RASSF5: variants seen among roughly 807,000 people sequenced by gnomAD.
The protein encoded by RASSF5 is Ras association domain family member 5.
In RASSF5, 25 loss-of-function variants were observed where a neutral mutation model predicts 40.5. The ratio of observed to expected loss-of-function variants is 0.62; its 90% CI spans 0.45 to 0.86. The LOEUF (loss-of-function observed/expected upper bound fraction) is 0.86. RASSF5 is among the 40% of genes least tolerant of loss of function. RASSF5 has a pLI of 0.00. For missense variants in RASSF5, 521 were observed against 572.8 expected (o/e 0.91, Z 0.92); for synonymous variants, 246 against 252.4 (o/e 0.97, Z 0.24).
At position 206,584,846 on chromosome 1, in the gene RASSF5, G is replaced by A. The variant is rs1240338916; in HGVS notation, c.988+162G>A. On this transcript the variant is annotated intron_variant, in intron 4 of 5. Coordinates refer to ENST00000579436, the MANE Select transcript of RASSF5 (RefSeq NM_182663.4). The surrounding 1 kb of genome is among the most constrained non-coding windows in gnomAD (Gnocchi z 4.9). ...TTCAGATCTGTGGAATCCGGGCAGG[G>A]AGGCAAGAGCAGAGTCCCTGACTCT... 1 of 742,394 alleles carries A rather than the reference G, an allele frequency of 1.3e-6. No homozygotes were observed. The allele number at this position is 742,394 out of a possible 1,614,324, so 46.0% of individuals were successfully genotyped here.
intron 1 of RASSF5, among the ~76,000 whole-genome samples, chr1:206,520,263 C>T (rs1553395900): frequency 6.6e-6 from 1 of 152,200 alleles, no homozygotes; most frequent in Non-Finnish European, 1.5e-5. Context: ...GGAATATCCT[C>T]ATCTCACTCA....
intron 2 of RASSF5, among the ~76,000 whole-genome samples, chr1:206,562,052 C>T (rs1477480836): frequency 3.3e-5 from 5 of 152,168 alleles, no homozygotes; most frequent in Non-Finnish European, 5.9e-5. Context: ...TACAGTGACA[C>T]CATTGAATTC....
At chr1:206,573,535 GTA>G (rs1445479177) in intron 2 of RASSF5, among the ~76,000 whole-genome samples, 2 of 152,220 alleles carry the variant, frequency 1.3e-5, no homozygotes, top group African/African-American at 4.8e-5. Flanking sequence ...CTACTGCACT[GTA>G]ATTCCTAGGA....
At chr1:206,568,611 G>C (rs549061432) in intron 2 of RASSF5, among the ~76,000 whole-genome samples, 2 of 152,290 alleles carry the variant, frequency 1.3e-5, no homozygotes, top group South Asian at 2.1e-4. Context: ...CTGTCCTCCA[G>C]GGAGCTCCAG....
intron 2 of RASSF5, 157 bp from the exon 3 acceptor site, chr1:206,583,112 C>T (rs1319718339): frequency 6.9e-6 from 4 of 576,368 alleles, no homozygotes; most frequent in Non-Finnish European, 6.3e-6. Context: ...TGCAATTTGA[C>T]CTCTCATTGT....
At chr1:206,574,069 A>G (rs1668548131) in intron 2 of RASSF5, among the ~76,000 whole-genome samples, 1 of 152,216 alleles carries the variant, frequency 6.6e-6, no homozygotes, top group African/African-American at 2.4e-5. Context: ...TTAATATTAT[A>G]ATGAGGCTCT....
rs138095666 is a variant in RASSF5, at chr1:206,538,278, C to T, written c.564C>T (p.Thr188=). ...RDRPSPESTL[T]VTFSQNVCKP... ...GACCCTCTCCAGAAAGCACCCTCAC[C>T]GTGACCTTCAGCCAGGTAGGTGCCA... is the stretch of plus-strand genomic sequence containing the variant. Residue 188 remains threonine, a synonymous_variant, in exon 2 of 6, where the codon ACC becomes ACT. Transcript: ENST00000579436. The T allele has an allele frequency of 2.0e-5, 32 of 1,613,768 alleles. No individual in the cohort carries two copies. Among genetic ancestry groups the T allele is most frequent in the African/African-American group, 6.7e-5 (5 of 74,924 alleles).
At chr1:206,553,410 A>G (rs1553401291) in intron 2 of RASSF5, among the ~76,000 whole-genome samples, 1 of 152,180 alleles carries the variant, frequency 6.6e-6, no homozygotes, top group Non-Finnish European at 1.5e-5. Flanking sequence ...AGAGATAGAA[A>G]CATGGGGAAC....
intron 1 of RASSF5, among the ~76,000 whole-genome samples, chr1:206,514,558 A>G (rs1186344203): frequency 6.6e-6 from 1 of 152,216 alleles, no homozygotes; most frequent in Non-Finnish European, 1.5e-5. Context: ...TTTTTTGAAC[A>G]AACATATTTC....
At chr1:206,570,478 C>T (rs1336036559) in intron 2 of RASSF5, among the ~76,000 whole-genome samples, 3 of 152,054 alleles carry the variant, frequency 2.0e-5, no homozygotes, top group African/African-American at 7.2e-5. Flanking sequence ...CATCCATTTC[C>T]AGAACTTTTG....
intron 2 of RASSF5, among the ~76,000 whole-genome samples, chr1:206,575,312 T>C (rs1553404996): frequency 2.0e-5 from 3 of 152,138 alleles, no homozygotes; most frequent in African/African-American, 7.2e-5. Context: ...ATGGCTTCCT[T>C]CCAAGGGGTG....
chr1:206,527,695 C>T (rs1667132170), intron 1 of RASSF5, among the ~76,000 whole-genome samples: 1 of 152,092 alleles, frequency 6.6e-6, no homozygotes, highest in Admixed American at 6.5e-5. Flanking sequence ...GGGTACTCTC[C>T]CTGCTCCCTG....
intron 2 of RASSF5, chr1:206,557,815 C>G (rs1558512047): frequency 7.2e-6 from 8 of 1,118,340 alleles, no homozygotes; most frequent in Non-Finnish European, 1.0e-5. Flanking sequence ...AGTGGCCAGG[C>G]AGTTGCCCTG....
chr1:206,559,632 C>G (rs1000784504), intron 2 of RASSF5, among the ~76,000 whole-genome samples: 3 of 152,214 alleles, frequency 2.0e-5, no homozygotes, highest in African/African-American at 7.2e-5. Flanking sequence ...CTTCCTGTGT[C>G]ATTTTGCTGG....
chr1:206,511,529 A>G (rs1666610722), intron 1 of RASSF5, among the ~76,000 whole-genome samples: 2 of 152,118 alleles, frequency 1.3e-5, no homozygotes, highest in Non-Finnish European at 2.9e-5. Context: ...CACCTTGGCC[A>G]TTGTCAGTGA....
At chr1:206,546,087 CTATTTTT>C (rs1667679147) in intron 2 of RASSF5, among the ~76,000 whole-genome samples, 8 of 26,440 alleles carry the variant, frequency 3.0e-4, no homozygotes, top group African/African-American at 8.7e-4. Context: ...TCTTCTTTTT[CTATTTTT>C]TTTTTTTTTT....
chr1:206,581,471 C>T (rs1668872026), intron 2 of RASSF5, among the ~76,000 whole-genome samples: 1 of 151,988 alleles, frequency 6.6e-6, no homozygotes, highest in South Asian at 2.1e-4. Context: ...TGGTGGTGCG[C>T]ACCTGTAATC....
intron 3 of RASSF5, 115 bp downstream of exon 3, chr1:206,583,494 C>T: frequency 1.4e-6 from 1 of 739,654 alleles, no homozygotes; most frequent in Non-Finnish European, 2.4e-6. Flanking sequence ...CCTCCCTTTC[C>T]TCCGGCCTCC....
chr1:206,562,983 T>A (rs1022732818), intron 2 of RASSF5, among the ~76,000 whole-genome samples: 1 of 152,146 alleles, frequency 6.6e-6, no homozygotes, highest in Admixed American at 6.5e-5. Context: ...TCTTCTCTCT[T>A]GCATCCTGTA....
Sources: gnomAD v4.1 joint callset for allele counts (sites outside exome capture counted in the v4.1 genomes callset) on GRCh38, gnomAD v4.1.1 for gene constraint, Gnocchi (gnomAD v3.1) non-coding constraint, MANE v1.5 for transcripts, NCBI Gene and HGNC (gene_info 2026-07-23, HGNC 2026-07-21) for gene names.